Variants in PDZD2 observed in about 807,000 individuals in gnomAD.
PDZD2 encodes the protein PDZ domain-containing protein 2.
PDZD2 carries 90 observed loss-of-function variants against 220.7 expected under a neutral mutation model. The observed-to-expected ratio is 0.41, with a 90% CI of 0.34 to 0.49. PDZD2 has a LOEUF of 0.49. Among genes scored for constraint, PDZD2 ranks in the 20% least tolerant of loss-of-function variants. PDZD2 has a pLI of 0.28. For missense variants in PDZD2, 3,174 were observed against 3,608.5 expected, an observed-to-expected ratio of 0.88 and a Z score of 3.08; for synonymous variants, 1,375 against 1,450.5, an observed-to-expected ratio of 0.95 and a Z score of 1.18.
At chr5:31,677,001 C>T (rs1480915677) in intron 1 of PDZD2, among the ~76,000 whole-genome samples, 1 of 152,154 alleles carries the variant, frequency 6.6e-6, no homozygotes, top group Non-Finnish European at 1.5e-5. Flanking sequence ...TGACTTAACT[C>T]ACTCCCTTGT....
At chr5:31,969,425 C>T (rs1042129335) in intron 2 of PDZD2, among the ~76,000 whole-genome samples, 3 of 141,388 alleles carry the variant, frequency 2.1e-5, no homozygotes, top group African/African-American at 8.0e-5. Context: ...GGGGGAATGG[C>T]TTGAGCCTGG....
At chr5:31,947,910 C>T (rs1294214804) in intron 2 of PDZD2, among the ~76,000 whole-genome samples, 1 of 151,558 alleles carries the variant, frequency 6.6e-6, no homozygotes, top group Non-Finnish European at 1.5e-5. Flanking sequence ...GAAGGCCAAG[C>T]GAACAATGTA....
chr5:31,986,103 A>G (rs1750698457), intron 3 of PDZD2, among the ~76,000 whole-genome samples: 1 of 144,812 alleles, frequency 6.9e-6, no homozygotes, highest in South Asian at 2.2e-4. Flanking sequence ...AAAAAATTGA[A>G]CTTCTGGAGT....
In PDZD2 at chr5:31,999,816, T is replaced by C. The variant is rs540596339; in HGVS notation, c.1122-323T>C. Among the ~76,000 whole-genome samples, 6 of 152,252 alleles carry C rather than the reference T, an allele frequency of 3.9e-5. 2 individuals carry two copies. The highest frequency in any genetic ancestry group is 1.4e-4 in the African/African-American group (6 of 41,552). ...AGGATTAAGAAACGAATGACTCGAC[T>C]CTCCTCAAACCTTGGGGTCTTGGTT... On this transcript the variant is annotated intron_variant, in intron 4 of 24. Transcript: ENST00000438447.
intron 1 of PDZD2, among the ~76,000 whole-genome samples, chr5:31,649,961 AAAATT>A (rs1745289178): frequency 1.3e-5 from 2 of 149,794 alleles, no homozygotes; most frequent in Non-Finnish European, 3.0e-5. Context: ...AAAAAAAAAA[AAAATT>A]AAGTCTCAGG....
intron 10 of PDZD2, among the ~76,000 whole-genome samples, chr5:32,054,310 A>ATTTTTTT (rs1738878968): frequency 3.4e-5 from 2 of 58,598 alleles, no homozygotes; most frequent in African/African-American, 7.1e-5. Flanking sequence ...CTAAATGAAC[A>ATTTTTTT]TCTTTTTTTT....
intron 2 of PDZD2, among the ~76,000 whole-genome samples, chr5:31,849,966 A>G (rs1214117816): frequency 0.027 from 473 of 17,460 alleles, 173 homozygotes; most frequent in African/African-American, 0.13. Context: ...ATATATACAC[A>G]TATATATATA....
At chr5:32,073,738 G>A in intron 17 of PDZD2, 94 bp from the exon 18 acceptor site, 1 of 802,932 alleles carries the variant, frequency 1.2e-6, no homozygotes, top group Non-Finnish European at 2.1e-6. Context: ...AGTGAATGTG[G>A]AAATGCTTAT....
At chr5:31,825,971 G>A (rs1282350754) in intron 2 of PDZD2, among the ~76,000 whole-genome samples, 3 of 151,812 alleles carry the variant, frequency 2.0e-5, no homozygotes, top group Non-Finnish European at 4.4e-5. Context: ...TGAACAGGAA[G>A]ACTGAGTTTA....
intron 1 of PDZD2, among the ~76,000 whole-genome samples, chr5:31,767,127 G>T (rs908713009): frequency 6.7e-6 from 1 of 148,772 alleles, no homozygotes; most frequent in Non-Finnish European, 1.5e-5. Flanking sequence ...TGCCCTCTGG[G>T]TTCAAGCGAT....
chr5:31,680,005 A>C (rs1746591178), intron 1 of PDZD2, among the ~76,000 whole-genome samples: 1 of 152,242 alleles, frequency 6.6e-6, no homozygotes. Flanking sequence ...GTTTAGCTCC[A>C]AAAGGTTTAA....
intron 2 of PDZD2, among the ~76,000 whole-genome samples, chr5:31,883,950 C>T (rs115615355): frequency 0.028 from 4,290 of 152,186 alleles, 108 homozygotes; most frequent in East Asian, 0.038. Context: ...CGGTGGCTCC[C>T]GCATGTTATC....
chr5:31,878,226 C>T (rs532142217), intron 2 of PDZD2, among the ~76,000 whole-genome samples: 11 of 152,128 alleles, frequency 7.2e-5, no homozygotes, highest in Non-Finnish European at 1.2e-4. Context: ...GCAGAGCAAG[C>T]CTGGGAGCGC....
chr5:31,659,899 A>G (rs6861360), intron 1 of PDZD2, among the ~76,000 whole-genome samples: 79,765 of 152,066 alleles, frequency 0.52, 22,198 homozygotes, highest in Middle Eastern at 0.68. Flanking sequence ...TTTGAGGTTT[A>G]ATTCAGCAGC....
intron 2 of PDZD2, among the ~76,000 whole-genome samples, chr5:31,895,026 A>G (rs1741413218): frequency 6.6e-6 from 1 of 152,072 alleles, no homozygotes; most frequent in Non-Finnish European, 1.5e-5. Flanking sequence ...AGTAGCTGGG[A>G]TTACAGGCAC....
At chr5:31,969,537 A>C (rs1749100750) in intron 2 of PDZD2, among the ~76,000 whole-genome samples, 1 of 141,566 alleles carries the variant, frequency 7.1e-6, no homozygotes, top group South Asian at 2.3e-4. Context: ...AAAAAAAAAC[A>C]ATGGATATGT....
intron 2 of PDZD2, among the ~76,000 whole-genome samples, chr5:31,872,892 T>G (rs6882892): frequency 0.33 from 50,834 of 152,074 alleles, 9,883 homozygotes; most frequent in South Asian, 0.53. Flanking sequence ...CAAAAAAACC[T>G]GCTAATGGCA....
At chr5:31,890,885 G>A (rs1740964703) in intron 2 of PDZD2, among the ~76,000 whole-genome samples, 1 of 152,138 alleles carries the variant, frequency 6.6e-6, no homozygotes, top group Non-Finnish European at 1.5e-5. Context: ...GTGGAGACTT[G>A]TGGTCCTAGT....
intron 2 of PDZD2, among the ~76,000 whole-genome samples, chr5:31,854,529 T>C (rs1758256362): frequency 6.6e-6 from 1 of 152,184 alleles, no homozygotes; most frequent in Non-Finnish European, 1.5e-5. Context: ...TCCACCCCTG[T>C]AAGAACTCAG....
Sources: allele counts gnomAD v4.1 joint callset (sites outside exome capture counted in the v4.1 genomes callset), GRCh38; gene constraint gnomAD v4.1.1; transcripts MANE v1.5; gene names NCBI Gene and HGNC (gene_info 2026-07-23, HGNC 2026-07-21).